The following CFAP61 variants were observed in gnomAD, a reference collection of about 807,000 sequenced individuals.
The protein encoded by CFAP61 is cilia and flagella associated protein 61.
In CFAP61, 107 loss-of-function variants were observed where a neutral mutation model predicts 135.6. The ratio of observed to expected loss-of-function variants is 0.79; its 90% CI spans 0.67 to 0.93. The LOEUF (loss-of-function observed/expected upper bound fraction) is 0.93, where lower values mean the gene tolerates loss of function less well. Among genes scored for constraint, CFAP61 ranks in the 40% least tolerant of loss-of-function variants. The pLI, the probability that CFAP61 is intolerant of heterozygous loss-of-function variation, is 0.00. For synonymous variants in CFAP61, 575 were observed against 578.5 expected (o/e 0.99, Z 0.09); for missense variants, 1,507 against 1,556.2 (o/e 0.97, Z 0.53).
At chr20:20,121,314 G>A (rs2146694761) in intron 8 of CFAP61, among the ~76,000 whole-genome samples, 1 of 151,472 alleles carries the variant, frequency 6.6e-6, no homozygotes, top group East Asian at 1.9e-4. Context: ...TTGCCACATT[G>A]TCCAGGCTGG....
intron 24 of CFAP61, among the ~76,000 whole-genome samples, chr20:20,291,540 T>C (rs1455899075): frequency 6.6e-6 from 1 of 152,270 alleles, no homozygotes; most frequent in Non-Finnish European, 1.5e-5. Context: ...TCTGGTTGTA[T>C]CGGTTTATTT....
chr20:20,110,661 C>T lies in CFAP61; in HGVS notation c.859+11847C>T, dbSNP rs144837957. Among the ~76,000 whole-genome samples, 61 of 152,186 alleles carry T rather than the reference C, an allele frequency of 4.0e-4. No individual in the cohort carries two copies. The South Asian group carries it at 0.011, about 27-fold the overall frequency. ...GCAGTTTGAAGGTTGTTGGTGATGG[C>T]GTAGATAGCAAATCACTATAACCAC... On this transcript the variant is annotated intron_variant, in intron 8 of 26. Coordinates refer to ENST00000245957, the MANE Select transcript of CFAP61 (RefSeq NM_015585.4).
At chr20:20,138,717 A>C (rs1328397956) in intron 8 of CFAP61, among the ~76,000 whole-genome samples, 1 of 152,220 alleles carries the variant, frequency 6.6e-6, no homozygotes, top group African/African-American at 2.4e-5. Flanking sequence ...TGTTGTGTAC[A>C]TAATTGTTAA....
At chr20:20,162,540 T>C (rs1002734240) in intron 10 of CFAP61, among the ~76,000 whole-genome samples, 18 of 152,132 alleles carry the variant, frequency 1.2e-4, no homozygotes, top group Non-Finnish European at 1.9e-4. Context: ...CTCTCAAGCA[T>C]GTTGCTTTTA....
At chr20:20,232,895 G>A (rs1000125897) in intron 18 of CFAP61, 4 of 152,144 alleles carry the variant, frequency 2.6e-5, no homozygotes, top group East Asian at 1.9e-4. Context: ...AGGAAGCACC[G>A]GTGGGCACTG....
chr20:20,178,257 C>T (rs2054784981), intron 13 of CFAP61, among the ~76,000 whole-genome samples: 1 of 152,218 alleles, frequency 6.6e-6, no homozygotes, highest in Non-Finnish European at 1.5e-5. Context: ...TTAACTTGCA[C>T]TTTAATTGTG....
chr20:20,336,173 G>C (rs1345565538), intron 25 of CFAP61, among the ~76,000 whole-genome samples: 1 of 152,164 alleles, frequency 6.6e-6, no homozygotes. Flanking sequence ...CACCCACCAG[G>C]TGGTATGCAG....
At position 20,166,444 on chromosome 20, in the gene CFAP61, C is replaced by A; in HGVS notation, c.1245+8C>A. 1 of 1,609,186 alleles carries A rather than the reference C, an allele frequency of 6.2e-7. No individual in the cohort carries two copies. Among genetic ancestry groups the A allele is most frequent in the Non-Finnish European group, 8.5e-7 (1 of 1,175,782 alleles). ...GTTTTCAGTCTTTTTTCTGTAAGTA[C>A]ATGCTGAATTTTGAGAACTGATTTT... On this transcript the variant is annotated splice_region_variant and intron_variant, in intron 12 of 26. Transcript: ENST00000245957.
At position 20,169,419 on chromosome 20, in the gene CFAP61, C is replaced by G. The variant is rs140112883; in HGVS notation, c.1344C>G (p.Leu448=). ...TGGTCCCTTTCAACACCTGCACCCT[C>G]GAGCAGGACCTCTACGTCTTCCACC... The part of the protein sequence containing the change: ...VKMVPFNTCT[L]EQDLYVFHRA... Residue 448 remains leucine, a synonymous_variant, in exon 13 of 27, where the codon CTC becomes CTG. Coordinates refer to ENST00000245957, the MANE Select transcript of CFAP61 (RefSeq NM_015585.4). 2.1e-5 allele frequency: 34 copies of G among 1,613,918 alleles called. No individual in the cohort carries two copies. The highest frequency in any genetic ancestry group is 2.8e-5 in the Non-Finnish European group (33 of 1,179,890).
At chr20:20,286,594 G>C (rs1601820350) in intron 22 of CFAP61, among the ~76,000 whole-genome samples, 1 of 152,184 alleles carries the variant, frequency 6.6e-6, no homozygotes, top group Non-Finnish European at 1.5e-5. Context: ...CATCAGTGTG[G>C]CCAGCCATTA....
At chr20:20,171,542 A>G (rs6046688) in intron 13 of CFAP61, among the ~76,000 whole-genome samples, 136,940 of 152,232 alleles carry the variant, frequency 0.9, 62,413 homozygotes, top group Middle Eastern at 0.99. Context: ...CCATGACTTC[A>G]TAGCCAGTAG....
intron 17 of CFAP61, among the ~76,000 whole-genome samples, chr20:20,224,514 G>A (rs1188109599): frequency 6.6e-6 from 1 of 152,020 alleles, no homozygotes; most frequent in East Asian, 1.9e-4. Flanking sequence ...AGCCTTAAAA[G>A]GTTAGCTTAT....
intron 26 of CFAP61, among the ~76,000 whole-genome samples, chr20:20,345,033 G>A (rs1318653799): frequency 6.6e-6 from 1 of 152,180 alleles, no homozygotes. Flanking sequence ...TCACACATGT[G>A]TGGGAGCTTA....
intron 8 of CFAP61, among the ~76,000 whole-genome samples, chr20:20,102,544 T>C (rs6081874): frequency 0.25 from 38,174 of 152,046 alleles, 5,234 homozygotes; most frequent in African/African-American, 0.32. Context: ...GGTAAACTTG[T>C]GTCATGTGGG....
intron 2 of CFAP61, among the ~76,000 whole-genome samples, chr20:20,057,786 C>T (rs1446529778): frequency 7.9e-5 from 12 of 152,062 alleles, no homozygotes; most frequent in Non-Finnish European, 8.8e-5. Flanking sequence ...GGTGCGATCT[C>T]GGCTCACTGC....
chr20:20,089,848 G>A (rs1263837010), intron 6 of CFAP61, among the ~76,000 whole-genome samples: 5 of 152,206 alleles, frequency 3.3e-5, no homozygotes, highest in Middle Eastern at 3.2e-3. Flanking sequence ...AGGGTGAGCA[G>A]TGCTCCATCA....
At chr20:20,109,909 CT>C (rs1231325875) in intron 8 of CFAP61, among the ~76,000 whole-genome samples, 237 of 143,204 alleles carry the variant, frequency 1.7e-3, no homozygotes, top group Middle Eastern at 3.6e-3. Context: ...CTGATTCATT[CT>C]TTTTTTTTTT....
chr20:20,250,822 A>T (rs1174107489), intron 19 of CFAP61, among the ~76,000 whole-genome samples: 1 of 152,134 alleles, frequency 6.6e-6, no homozygotes, highest in African/African-American at 2.4e-5. Context: ...GCCACAAGAA[A>T]CCCACTCTTA....
chr20:20,204,519 T>C (rs2056775607), intron 17 of CFAP61, among the ~76,000 whole-genome samples: 1 of 152,332 alleles, frequency 6.6e-6, no homozygotes, highest in Non-Finnish European at 1.5e-5. Context: ...TACCATCTGA[T>C]GGACTGTTAC....
Sources: gnomAD v4.1 joint callset for allele counts (sites outside exome capture counted in the v4.1 genomes callset) on GRCh38, gnomAD v4.1.1 for gene constraint, MANE v1.5 for transcripts, NCBI Gene and HGNC (gene_info 2026-07-23, HGNC 2026-07-21) for gene names.